The following BIN2 variants were observed in gnomAD, a reference collection of about 807,000 sequenced individuals.
The protein encoded by BIN2 is bridging integrator 2, also known as breast cancer associated protein BRAP1.
In BIN2, 43 loss-of-function variants were observed where a neutral mutation model predicts 67.9. The ratio of observed to expected loss-of-function variants is 0.63; its 90% CI spans 0.50 to 0.82. BIN2 has a LOEUF of 0.82. Among genes scored for constraint, BIN2 ranks in the 40% least tolerant of loss-of-function variants. The probability of loss-of-function intolerance (pLI) is 0.00; values close to 1 mark genes in which losing one functional copy is unlikely to be tolerated. For missense variants in BIN2, 581 were observed against 671.6 expected, an observed-to-expected ratio of 0.87 and a Z score of 1.49; for synonymous variants, 244 against 246.8, an observed-to-expected ratio of 0.99 and a Z score of 0.11.
At chr12:51,281,896 G>A (rs11835240) in intron 12 of BIN2, among the ~76,000 whole-genome samples, 55 of 151,888 alleles carry the variant, frequency 3.6e-4, no homozygotes, top group African/African-American at 1.3e-3. Context: ...GACTACAGGC[G>A]CACACAACCA....
intron 4 of BIN2, chr12:51,302,417 A>G (rs1185022527): frequency 1.7e-5 from 9 of 526,264 alleles, no homozygotes; most frequent in African/African-American, 9.5e-5. Context: ...TGTTTTAAAA[A>G]ACAACCAATC....
At chr12:51,300,935 C>G (rs945503221) in intron 5 of BIN2, among the ~76,000 whole-genome samples, 6 of 152,102 alleles carry the variant, frequency 3.9e-5, no homozygotes, top group African/African-American at 2.4e-5. Flanking sequence ...TTAATAAATA[C>G]TAGAGCCGGG....
intron 2 of BIN2, among the ~76,000 whole-genome samples, chr12:51,310,602 A>T (rs1049510163): frequency 6.6e-6 from 1 of 152,254 alleles, no homozygotes; most frequent in African/African-American, 2.4e-5. Flanking sequence ...TTGCAAAATC[A>T]TATGCATGGA....
At chr12:51,295,072 A>G (rs1945499101) in intron 9 of BIN2, among the ~76,000 whole-genome samples, 1 of 152,158 alleles carries the variant, frequency 6.6e-6, no homozygotes, top group Non-Finnish European at 1.5e-5. Context: ...AGCTAGGAGT[A>G]CAGTTACGCA....
chr12:51,320,496 G>A (rs951774000), intron 1 of BIN2, among the ~76,000 whole-genome samples: 1 of 152,010 alleles, frequency 6.6e-6, no homozygotes, highest in Non-Finnish European at 1.5e-5. Flanking sequence ...CTCTGATCAC[G>A]TGTCTGAAAA....
At chr12:51,315,296 A>G (rs1946095501) in intron 1 of BIN2, among the ~76,000 whole-genome samples, 1 of 151,578 alleles carries the variant, frequency 6.6e-6, no homozygotes, top group South Asian at 2.1e-4. Context: ...CAGCCTCCCG[A>G]TTAGCTTCGG....
chr12:51,319,508 T>C (rs1946214869), intron 1 of BIN2, among the ~76,000 whole-genome samples: 1 of 152,226 alleles, frequency 6.6e-6, no homozygotes, highest in African/African-American at 2.4e-5. Flanking sequence ...TAAATTCTAC[T>C]TTTGGATCAC....
intron 1 of BIN2, among the ~76,000 whole-genome samples, chr12:51,317,028 C>G (rs1168183714): frequency 6.6e-6 from 1 of 152,090 alleles, no homozygotes; most frequent in East Asian, 1.9e-4. Context: ...AGGCATGTGC[C>G]ACCACGCCTG....
At position 51,299,263 on chromosome 12, in the gene BIN2, T is replaced by C; in HGVS notation, c.542A>G (p.Gln181Arg). The C allele has an allele frequency of 6.2e-7, 1 of 1,613,888 alleles. No homozygotes were observed. The highest frequency in any genetic ancestry group is 8.5e-7 in the Non-Finnish European group (1 of 1,179,760). ...TTGGTTCAGATCTTCAAACACAGTC[T>C]GGGCTTTGTTGAACTCTTCCTCTGC... Reference protein sequence around the residue: ...AKAEEEFNKAQTVFEDLNQEL... With the variant: ...AKAEEEFNKARTVFEDLNQEL... Residue 181 changes from glutamine to arginine, a missense_variant, in exon 7 of 13, where the codon CAG becomes CGG. Transcript: ENST00000615107.
chr12:51,303,847 A>T (rs1473267907), intron 2 of BIN2, among the ~76,000 whole-genome samples: 1 of 152,164 alleles, frequency 6.6e-6, no homozygotes, highest in Non-Finnish European at 1.5e-5. Flanking sequence ...TTTTGTTATA[A>T]CTCTGACAAA....
At chr12:51,293,245 T>C (rs1183786441) in intron 9 of BIN2, among the ~76,000 whole-genome samples, 1 of 151,874 alleles carries the variant, frequency 6.6e-6, no homozygotes, top group African/African-American at 2.4e-5. Context: ...GCCATGCTTA[T>C]CCTTGAGCAT....
chr12:51,314,373 C>A (rs1592279672), intron 1 of BIN2, among the ~76,000 whole-genome samples: 1 of 151,966 alleles, frequency 6.6e-6, no homozygotes, highest in African/African-American at 2.4e-5. Flanking sequence ...CTTACTGGAC[C>A]AAAAGAATTA....
Position 51,324,156 on chromosome 12 carries a change from A to G in BIN2, c.-54T>C. 1.2e-6 allele frequency: 2 copies of G among 1,601,686 alleles called. No homozygotes were observed. Among genetic ancestry groups the G allele is most frequent in the Non-Finnish European group, 1.7e-6 (2 of 1,174,750 alleles). The stretch of plus-strand genomic sequence containing the variant: ...TGGCCCCGCGCCCTGTGGTTTTCTG[A>G]GGCCCCCGAGGAGGAAGTGCGGGCT... On this transcript the variant is annotated 5_prime_UTR_variant, in exon 1 of 13. Coordinates refer to ENST00000615107, the MANE Select transcript of BIN2 (RefSeq NM_016293.4).
intron 2 of BIN2, among the ~76,000 whole-genome samples, chr12:51,311,932 C>A (rs1946007552): frequency 6.6e-6 from 1 of 152,022 alleles, no homozygotes; most frequent in Admixed American, 6.6e-5. Flanking sequence ...CTATCACGCC[C>A]AGCTAATTTT....
intron 1 of BIN2, among the ~76,000 whole-genome samples, chr12:51,320,377 A>G (rs1946239918): frequency 6.6e-6 from 1 of 152,148 alleles, no homozygotes; most frequent in South Asian, 2.1e-4. Context: ...AGGTCCTAAT[A>G]TACTTTTTCC....
At chr12:51,310,285 T>C (rs1179566392) in intron 2 of BIN2, among the ~76,000 whole-genome samples, 4 of 152,058 alleles carry the variant, frequency 2.6e-5, no homozygotes, top group Non-Finnish European at 4.4e-5. Flanking sequence ...CTGTAGGAAA[T>C]TGCAGGACAA....
At chr12:51,288,219 A>T in intron 10 of BIN2, 31 bp from the exon 11 acceptor site, 2 of 1,582,028 alleles carry the variant, frequency 1.3e-6, no homozygotes, top group South Asian at 2.2e-5. Flanking sequence ...TGGAGGAGAG[A>T]GTCCCACACC....
intron 2 of BIN2, among the ~76,000 whole-genome samples, chr12:51,313,228 A>AAGGCAGGCAGGCAGGAAGGCAGGC (rs1946043342): frequency 7.2e-6 from 1 of 139,658 alleles, no homozygotes; most frequent in Non-Finnish European, 1.5e-5. Flanking sequence ...GGAAGGCAGG[A>AAGGCAGGCAGGCAGGAAGGCAGGC]AGGCAGGCAG....
intron 8 of BIN2, 33 bp from the exon 9 acceptor site, chr12:51,295,911 C>T: frequency 1.3e-6 from 2 of 1,575,872 alleles, no homozygotes; most frequent in Non-Finnish European, 1.7e-6. Flanking sequence ...GGATGCTAGC[C>T]AACTGGGAAC....
Sources: gnomAD v4.1 joint callset for allele counts (sites outside exome capture counted in the v4.1 genomes callset) on GRCh38, gnomAD v4.1.1 for gene constraint, MANE v1.5 for transcripts, NCBI Gene and HGNC (gene_info 2026-07-23, HGNC 2026-07-21) for gene names.